ANO10: variants seen among roughly 807,000 people sequenced by gnomAD.
ANO10 encodes anoctamin-10.
ANO10 carries 77 observed loss-of-function variants against 74.7 expected under a neutral mutation model. The ratio of observed to expected loss-of-function variants is 1.03; its 90% CI spans 0.86 to 1.25. The LOEUF (loss-of-function observed/expected upper bound fraction) is 1.25. Among genes scored for constraint, ANO10 ranks in the 50% most tolerant of loss-of-function variants. The pLI, the probability that ANO10 is intolerant of heterozygous loss-of-function variation, is 0.00. For missense variants in ANO10, 721 were observed against 778.1 expected, an observed-to-expected ratio of 0.93 and a Z score of 0.87; for synonymous variants, 279 against 284.9, an observed-to-expected ratio of 0.98 and a Z score of 0.21.
At chr3:43,378,438 G>T (rs1282214422) in intron 12 of ANO10, among the ~76,000 whole-genome samples, 1 of 152,230 alleles carries the variant, frequency 6.6e-6, no homozygotes, top group African/African-American at 2.4e-5. Context: ...GCAGACCGCA[G>T]AGAAAGTATA....
chr3:43,422,764 AT>A (rs1433497135), intron 12 of ANO10, among the ~76,000 whole-genome samples: 4 of 152,238 alleles, frequency 2.6e-5, no homozygotes, highest in Non-Finnish European at 5.9e-5. Context: ...ATATTAAGAT[AT>A]ATAAATTTTA....
intron 11 of ANO10, among the ~76,000 whole-genome samples, chr3:43,536,966 T>G (rs371894588): frequency 2.0e-5 from 2 of 101,674 alleles, no homozygotes; most frequent in African/African-American, 7.8e-5. Flanking sequence ...ACCATCACCA[T>G]AATCAAGATA....
At chr3:43,673,408 T>C (rs986248848) in intron 1 of ANO10, among the ~76,000 whole-genome samples, 1 of 152,202 alleles carries the variant, frequency 6.6e-6, no homozygotes, top group African/African-American at 2.4e-5. Flanking sequence ...GAGGAAATTA[T>C]GGGTATGAAC....
chr3:43,474,341 G>C (rs1346249740), intron 11 of ANO10, among the ~76,000 whole-genome samples: 1 of 151,650 alleles, frequency 6.6e-6, no homozygotes, highest in Non-Finnish European at 1.5e-5. Flanking sequence ...TTTCCAAGTC[G>C]ATAAAACATT....
intron 11 of ANO10, among the ~76,000 whole-genome samples, chr3:43,447,922 C>T (rs1462219572): frequency 1.3e-5 from 2 of 152,162 alleles, no homozygotes; most frequent in East Asian, 3.9e-4. Context: ...ATTGTTATGG[C>T]TTGAATTTCT....
chr3:43,516,351 A>G (rs2077710283), intron 11 of ANO10, among the ~76,000 whole-genome samples: 2 of 152,208 alleles, frequency 1.3e-5, no homozygotes, highest in Non-Finnish European at 2.9e-5. Context: ...ATTCCAGGCC[A>G]AAGAAAACTC....
At chr3:43,511,798 T>C (rs2077516790) in intron 11 of ANO10, among the ~76,000 whole-genome samples, 1 of 152,212 alleles carries the variant, frequency 6.6e-6, no homozygotes, top group Non-Finnish European at 1.5e-5. Context: ...GGCTCTCTAT[T>C]GTGAGATGAA....
intron 12 of ANO10, among the ~76,000 whole-genome samples, chr3:43,401,066 T>A (rs2092472509): frequency 6.6e-6 from 1 of 152,236 alleles, no homozygotes. Flanking sequence ...AGTCAGTACT[T>A]GGTAGTAGTA....
intron 1 of ANO10, among the ~76,000 whole-genome samples, chr3:43,661,848 A>C (rs542700706): frequency 6.6e-6 from 1 of 152,382 alleles, no homozygotes; most frequent in South Asian, 2.1e-4. Context: ...TTTATCAAGA[A>C]GAGCTAACTA....
intron 11 of ANO10, among the ~76,000 whole-genome samples, chr3:43,462,285 A>G (rs2149029831): frequency 1.3e-5 from 2 of 152,258 alleles, no homozygotes; most frequent in Middle Eastern, 6.8e-3. Flanking sequence ...GCTGGAGTGC[A>G]ACGGTACGAT....
At chr3:43,682,349 C>G (rs1291439015) in intron 1 of ANO10, among the ~76,000 whole-genome samples, 1 of 152,126 alleles carries the variant, frequency 6.6e-6, no homozygotes, top group Admixed American at 6.6e-5. Flanking sequence ...ATAAATTCCT[C>G]AACACATACA....
At chr3:43,575,639 C>A (rs1051679767) in intron 6 of ANO10, among the ~76,000 whole-genome samples, 15 of 151,984 alleles carry the variant, frequency 9.9e-5, no homozygotes, top group Admixed American at 8.5e-4. Flanking sequence ...TAATTTAAAT[C>A]ATCTTTTTTT....
chr3:43,650,435 T>C (rs2083775131), intron 1 of ANO10, among the ~76,000 whole-genome samples: 1 of 152,190 alleles, frequency 6.6e-6, no homozygotes, highest in Admixed American at 6.5e-5. Flanking sequence ...ATATCAAGTC[T>C]GGTGTCCTTT....
chr3:43,529,985 C>A (rs754958881), intron 11 of ANO10, among the ~76,000 whole-genome samples: 24 of 151,990 alleles, frequency 1.6e-4, no homozygotes, highest in Non-Finnish European at 2.5e-4. Context: ...AGAAAAATAC[C>A]TGACACTTTC....
At chr3:43,683,916 T>C (rs956968872) in intron 1 of ANO10, among the ~76,000 whole-genome samples, 1 of 152,212 alleles carries the variant, frequency 6.6e-6, no homozygotes, top group South Asian at 2.1e-4. Context: ...TTACACCTTA[T>C]ACAAAAATTA....
intron 1 of ANO10, among the ~76,000 whole-genome samples, chr3:43,652,004 AT>A (rs896567077): frequency 6.6e-6 from 1 of 152,296 alleles, no homozygotes; most frequent in Admixed American, 6.5e-5. Flanking sequence ...GAAGATCTAA[AT>A]TAACAGAAAT....
rs143291124 is a variant in ANO10, at chr3:43,667,913, A to G, written c.-12+23604T>C. Among the ~76,000 whole-genome samples, 125 of 152,272 alleles carry G rather than the reference A, an allele frequency of 8.2e-4. 1 individual carries two copies. The East Asian group carries it at 0.023, about 28-fold the overall frequency. The stretch of plus-strand genomic sequence containing the variant: ...CATGGAGAAACATGTGTGTGTAAGT[A>G]TCTTTTTATATAATGACTTATTTTC... On this transcript the variant is annotated intron_variant, in intron 1 of 3. Transcript: ENST00000413397.
intron 1 of ANO10, among the ~76,000 whole-genome samples, chr3:43,627,116 G>A (rs1305187324): frequency 6.6e-6 from 1 of 152,168 alleles, no homozygotes; most frequent in African/African-American, 2.4e-5. Flanking sequence ...AAGTGACAAG[G>A]CCACCATCCA....
intron 11 of ANO10, among the ~76,000 whole-genome samples, chr3:43,448,844 G>A (rs1054663267): frequency 6.6e-6 from 1 of 151,116 alleles, no homozygotes; most frequent in African/African-American, 2.4e-5. Context: ...TTTGTTTATG[G>A]ATTGTTTTCT....
Sources: allele counts gnomAD v4.1 joint callset (sites outside exome capture counted in the v4.1 genomes callset), GRCh38; gene constraint gnomAD v4.1.1; transcripts MANE v1.5; gene names NCBI Gene and HGNC (gene_info 2026-07-23, HGNC 2026-07-21).